The following CUBN variants were observed in gnomAD, a reference collection of about 807,000 sequenced individuals.
CUBN encodes 460 kDa receptor.
CUBN carries 282 observed loss-of-function variants against 405.3 expected under a neutral mutation model. That is an observed-to-expected ratio of 0.70 (90% CI 0.63 to 0.77). The LOEUF is 0.77. Among genes scored for constraint, CUBN ranks in the 30% least tolerant of loss-of-function variants. CUBN has a pLI of 0.00. For synonymous variants in CUBN, 1,684 were observed against 1,617.0 expected (o/e 1.04, Z -0.99); for missense variants, 4,514 against 4,475.2 (o/e 1.01, Z -0.25).
chr10:16,877,189 A>G (rs1414853447), intron 56 of CUBN, 92 bp from the exon 57 acceptor site: 2 of 1,026,202 alleles, frequency 1.9e-6, no homozygotes, highest in African/African-American at 3.2e-5. Context: ...ATGATGACTC[A>G]TGCAATTGCT....
intron 65 of CUBN, among the ~76,000 whole-genome samples, chr10:16,830,337 G>C (rs574976651): frequency 6.6e-6 from 1 of 152,026 alleles, no homozygotes; most frequent in Non-Finnish European, 1.5e-5. Context: ...TTTATAGAAC[G>C]CTTTTCTTAA....
chr10:16,855,447 G>A (rs1390180232), intron 59 of CUBN, among the ~76,000 whole-genome samples: 1 of 152,048 alleles, frequency 6.6e-6, no homozygotes, highest in East Asian at 1.9e-4. Context: ...TTGTGCTCCT[G>A]TGATCCACTA....
chr10:16,939,776 A>T (rs1451971728), intron 37 of CUBN, among the ~76,000 whole-genome samples: 3 of 152,230 alleles, frequency 2.0e-5, no homozygotes, highest in Non-Finnish European at 4.4e-5. Flanking sequence ...TCATGAAAAA[A>T]ACTAATTTAA....
Position 16,906,275 on chromosome 10 carries a change from A to G in CUBN, c.7840T>C (p.Ser2614Pro), listed in dbSNP as rs1176313949. ...SNPNQGNSSI[S>P]IHFEDFYLES... is the part of the protein sequence containing the mutation. ...AGGTAAAAATCTTCAAAGTGAATGG[A>G]AATGGATGAATTTCCCTGATTTGGA... Residue 2614 changes from serine (S) to proline (P), a missense_variant, in exon 50 of 67, where the codon TCC becomes CCC. By Grantham distance (74) the Ser-to-Pro change is moderately conservative (BLOSUM62 -1). Coordinates refer to ENST00000377833, the MANE Select transcript of CUBN (RefSeq NM_001081.4). 1 of 1,614,144 alleles carries G rather than the reference A, an allele frequency of 6.2e-7. No individual in the cohort carries two copies. The highest frequency in any genetic ancestry group is 2.2e-5 in the East Asian group (1 of 44,884).
chr10:16,974,785 TC>T (rs1833043469), intron 31 of CUBN, among the ~76,000 whole-genome samples: 1 of 152,230 alleles, frequency 6.6e-6, no homozygotes, highest in Admixed American at 6.5e-5. Flanking sequence ...TCCCTCTTCC[TC>T]CCCAACCCAC....
intron 31 of CUBN, among the ~76,000 whole-genome samples, chr10:16,958,800 T>A (rs10737015): frequency 0.69 from 104,522 of 152,086 alleles, 36,545 homozygotes; most frequent in African/African-American, 0.82. Context: ...CTCTTTAAAA[T>A]GCTCATGACA....
At chr10:17,100,798 G>A (rs1836477695) in intron 13 of CUBN, among the ~76,000 whole-genome samples, 1 of 152,160 alleles carries the variant, frequency 6.6e-6, no homozygotes, top group Non-Finnish European at 1.5e-5. Flanking sequence ...AGCAAGGCCT[G>A]GACGGCTTCA....
At chr10:16,918,896 CA>C (rs1378748001) in intron 44 of CUBN, 96 bp from the exon 45 acceptor site, 2 of 1,128,002 alleles carry the variant, frequency 1.8e-6, no homozygotes, top group Non-Finnish European at 2.6e-6. Flanking sequence ...ATTATTAAAT[CA>C]TCATTTCTTA....
Position 17,104,603 on chromosome 10 carries a change from G to A in CUBN, c.1233C>T (p.Asp411=). 1 of 1,611,724 alleles carries A rather than the reference G, an allele frequency of 6.2e-7. No homozygotes were observed. The highest frequency in any genetic ancestry group is 1.1e-5 in the South Asian group (1 of 90,792). The change falls in exon 12 of 67, where the codon GAC becomes GAT. Residue 411 remains aspartate, a splice_region_variant and synonymous_variant. Transcript: ENST00000377833. ...ACTTACAAAAATAACCAGAGACAGTGTCCTAAGGGGAAAAAAAACACATAA... is the reference window on the plus strand; with the variant it reads ...ACTTACAAAAATAACCAGAGACAGTATCCTAAGGGGAAAAAAAACACATAA... ...SHPCLNGQCI[D]TVSGYFCKCD... is the part of the protein sequence containing the mutation.
At chr10:17,046,641 A>G (rs1835140403) in intron 23 of CUBN, among the ~76,000 whole-genome samples, 1 of 152,198 alleles carries the variant, frequency 6.6e-6, no homozygotes, top group Non-Finnish European at 1.5e-5. Flanking sequence ...ATTCAACATC[A>G]AAGTCCAGTG....
intron 1 of CUBN, 112 bp downstream of exon 1, chr10:17,129,532 T>C: frequency 7.2e-7 from 1 of 1,382,504 alleles, no homozygotes; most frequent in Non-Finnish European, 1.0e-6. Flanking sequence ...TGTTTGCTTC[T>C]CAACATAATT....
At position 16,846,379 on chromosome 10, in the gene CUBN, C is replaced by T. The variant is rs766494315; in HGVS notation, c.9663+4856G>A. Among the ~76,000 whole-genome samples the T allele has an allele frequency of 9.9e-5, 15 of 152,160 alleles. No homozygotes were observed. In the South Asian group the frequency reaches 1.2e-3, roughly 13 times the overall value. The stretch of plus-strand genomic sequence containing the variant: ...AGCAGTGTTAGAGTATTTACATATA[C>T]GAAGACACACTATTTTATATACTTT... On this transcript the variant is annotated intron_variant, in intron 60 of 66. Transcript: ENST00000377833.
rs140206761 is a variant in CUBN, at chr10:17,012,916, C to T, written c.4168+6917G>A. On this transcript the variant is annotated intron_variant, in intron 28 of 66. Coordinates refer to ENST00000377833, the MANE Select transcript of CUBN (RefSeq NM_001081.4). ...GGAGCTCCTCCTATGTCTGGTGGGA[C>T]CTTTGTATGGTAATTAAGATTTAGA... is the stretch of plus-strand genomic sequence containing the variant. 9.2e-4 allele frequency among the ~76,000 whole-genome samples: 140 copies of T among 152,218 alleles called. 3 individuals are homozygous for T. In the East Asian group the frequency reaches 0.026, roughly 28 times the overall value.
chr10:17,025,014 G>T (rs1458334074), intron 27 of CUBN, among the ~76,000 whole-genome samples: 4 of 152,030 alleles, frequency 2.6e-5, no homozygotes, highest in South Asian at 2.1e-4. Context: ...GTTTCTTTAG[G>T]ATGATATCAT....
intron 60 of CUBN, 65 bp from the exon 61 acceptor site, chr10:16,841,112 T>C: frequency 6.7e-7 from 1 of 1,484,288 alleles, no homozygotes; most frequent in Non-Finnish European, 9.4e-7. Context: ...TCACACTAAA[T>C]TGGACGCGAA....
At chr10:16,884,759 T>C (rs1434689275) in intron 56 of CUBN, among the ~76,000 whole-genome samples, 2 of 152,166 alleles carry the variant, frequency 1.3e-5, no homozygotes, top group Non-Finnish European at 2.9e-5. Context: ...AGACGCCATA[T>C]AGGGACAAGT....
At chr10:16,968,017 G>C (rs1430463089) in intron 31 of CUBN, among the ~76,000 whole-genome samples, 1 of 151,890 alleles carries the variant, frequency 6.6e-6, no homozygotes, top group East Asian at 1.9e-4. Flanking sequence ...AAGAGAGGGA[G>C]AGAGGAAGAG....
intron 28 of CUBN, among the ~76,000 whole-genome samples, chr10:17,019,501 C>A (rs1432441710): frequency 6.6e-6 from 1 of 152,170 alleles, no homozygotes; most frequent in East Asian, 1.9e-4. Context: ...GATACTCCCA[C>A]CCCAACTTGC....
At chr10:16,928,845 G>A (rs922427667) in intron 40 of CUBN, among the ~76,000 whole-genome samples, 19 of 151,884 alleles carry the variant, frequency 1.3e-4, no homozygotes, top group East Asian at 1.9e-4. Flanking sequence ...AGTTTCCACC[G>A]TCTTTCTAAA....
Sources: gnomAD v4.1 joint callset for allele counts (sites outside exome capture counted in the v4.1 genomes callset) on GRCh38, gnomAD v4.1.1 for gene constraint, MANE v1.5 for transcripts, NCBI Gene and HGNC (gene_info 2026-07-23, HGNC 2026-07-21) for gene names.